Variants in ADCY5 observed in about 807,000 individuals in gnomAD.
The protein encoded by ADCY5 is adenylate cyclase type 5.
ADCY5 carries 30 observed loss-of-function variants against 119.7 expected under a neutral mutation model. That is an observed-to-expected ratio of 0.25 (90% CI 0.19 to 0.34). ADCY5 has a LOEUF of 0.34. Among genes scored for constraint, ADCY5 ranks in the 10% least tolerant of loss-of-function variants. The probability of loss-of-function intolerance (pLI) is 1.00; values close to 1 mark genes in which losing one functional copy is unlikely to be tolerated. For synonymous variants in ADCY5, 753 were observed against 762.2 expected (o/e 0.99, Z 0.20); for missense variants, 1,324 against 1,775.2 (o/e 0.75, Z 4.57).
At chr3:123,373,264 C>T (rs535113386) in intron 1 of ADCY5, among the ~76,000 whole-genome samples, 8 of 152,376 alleles carry the variant, frequency 5.3e-5, no homozygotes, top group East Asian at 3.9e-4. Flanking sequence ...ACAGACTGAT[C>T]TGACTTCAGC....
chr3:123,436,406 T>A (rs1422995060), intron 1 of ADCY5, among the ~76,000 whole-genome samples: 1 of 151,926 alleles, frequency 6.6e-6, no homozygotes, highest in Non-Finnish European at 1.5e-5. Context: ...ATTTGTCTTT[T>A]AAAAAAACTG....
intron 1 of ADCY5, among the ~76,000 whole-genome samples, chr3:123,380,816 T>G (rs1944006459): frequency 6.6e-6 from 1 of 152,178 alleles, no homozygotes; most frequent in Admixed American, 6.5e-5. Context: ...GAGAAAGGGA[T>G]GGACACAGAT....
intron 1 of ADCY5, among the ~76,000 whole-genome samples, chr3:123,403,191 G>A (rs908474498): frequency 6.6e-6 from 1 of 151,994 alleles, no homozygotes; most frequent in African/African-American, 2.4e-5. Context: ...ACCAGCCTGG[G>A]CAATATGGGG....
intron 1 of ADCY5, among the ~76,000 whole-genome samples, chr3:123,396,525 GAGAAAGAAA>G (rs1237414481): frequency 4.4e-5 from 5 of 113,878 alleles, no homozygotes; most frequent in Non-Finnish European, 6.8e-5. Flanking sequence ...GAAAGAGAGA[GAGAAAGAAA>G]AGAAAGAAAG....
chr3:123,320,798 G>C (rs1410556283), intron 8 of ADCY5, 27 bp from the exon 9 acceptor site: 5 of 1,550,468 alleles, frequency 3.2e-6, no homozygotes, highest in Non-Finnish European at 4.4e-6. Context: ...GAAAGAGAAA[G>C]AGAAGAGAAT....
intron 1 of ADCY5, among the ~76,000 whole-genome samples, chr3:123,390,920 T>C (rs913766926): frequency 4.6e-5 from 7 of 152,218 alleles, no homozygotes; most frequent in Non-Finnish European, 1.0e-4. Context: ...GGATGTGAGA[T>C]GGACATTTCA....
At chr3:123,284,797 G>A in intron 20 of ADCY5, 61 bp from the exon 21 acceptor site, 1 of 1,606,522 alleles carries the variant, frequency 6.2e-7, no homozygotes, top group South Asian at 1.1e-5. Context: ...GAACTGCTGT[G>A]GGGTAGAGCC....
At chr3:123,368,620 C>T (rs1943533975) in intron 1 of ADCY5, among the ~76,000 whole-genome samples, 1 of 152,010 alleles carries the variant, frequency 6.6e-6, no homozygotes. Flanking sequence ...GACATGATGG[C>T]ACATGCCTGT....
chr3:123,447,729 C>T lies in ADCY5; in HGVS notation c.817G>A (p.Val273Met), dbSNP rs765074284. ...ATCACGCCGACGGCGGCCGCCAGCACGGCCAGGTAGGGCAGCTGGAGCGGG... is the reference window on the plus strand; with the variant it reads ...ATCACGCCGACGGCGGCCGCCAGCATGGCCAGGTAGGGCAGCTGGAGCGGG... ...RPPLQLPYLAVLAAAVGVILI... is the reference protein window; with the variant it reads ...RPPLQLPYLAMLAAAVGVILI... The change falls in exon 1 of 21, where the codon GTG becomes ATG. Residue 273 changes from valine (V) to methionine (M), a missense_variant. Val to Met is a conservative substitution (Grantham distance 21). This residue lies in a region of ADCY5 where 585 missense variants were observed against 569.9 expected (regional missense o/e 1.03). Coordinates refer to ENST00000462833, the MANE Select transcript of ADCY5 (RefSeq NM_183357.3). The T allele has an allele frequency of 8.7e-6, 14 of 1,600,106 alleles. No homozygotes were observed. Among genetic ancestry groups the T allele is most frequent in the African/African-American group, 2.7e-5 (2 of 74,572 alleles).
At chr3:123,288,885 A>T (rs1189847616) in intron 19 of ADCY5, among the ~76,000 whole-genome samples, 2 of 152,218 alleles carry the variant, frequency 1.3e-5, no homozygotes, top group African/African-American at 4.8e-5. Flanking sequence ...GAGCCATCCA[A>T]CTAAGGCAAG....
Position 123,284,462 on chromosome 3 carries a change from A to G in ADCY5, c.*146T>C. On this transcript the variant is annotated 3_prime_UTR_variant, in exon 21 of 21. Transcript: ENST00000462833. ...GAGGCCGCTGCCCACCAGCAAAGGC[A>G]GAAGCTGCTCTGGAGTCCAAGTGGA... 1.5e-6 allele frequency: 2 copies of G among 1,318,538 alleles called. No homozygotes were observed. Among genetic ancestry groups the G allele is most frequent in the South Asian group, 1.4e-5 (1 of 69,586 alleles). The allele number at this position is 1,318,538 out of a possible 1,614,324, so 81.7% of individuals were successfully genotyped here.
chr3:123,342,455 G>A (rs764065935), intron 3 of ADCY5, among the ~76,000 whole-genome samples: 55 of 152,116 alleles, frequency 3.6e-4, no homozygotes, highest in Non-Finnish European at 6.0e-4. Flanking sequence ...TGTGGGGAGC[G>A]GGGCTGACTA....
At chr3:123,300,339 G>A (rs1295699071) in intron 14 of ADCY5, 44 bp from the exon 15 acceptor site, 8 of 1,594,638 alleles carry the variant, frequency 5.0e-6, no homozygotes, top group African/African-American at 1.3e-5. Context: ...GGCCCTGCCC[G>A]ACCCCGGGCC....
chr3:123,297,488 G>T (rs908843554), intron 15 of ADCY5, 106 bp from the exon 16 acceptor site: 9 of 1,247,038 alleles, frequency 7.2e-6, no homozygotes, highest in Non-Finnish European at 1.1e-5. Context: ...CACCACTGCT[G>T]CTCCTTGGCT....
intron 1 of ADCY5, among the ~76,000 whole-genome samples, chr3:123,366,935 A>T (rs1943462930): frequency 6.6e-6 from 1 of 152,196 alleles, no homozygotes; most frequent in Non-Finnish European, 1.5e-5. Flanking sequence ...TCAAGCAGGG[A>T]CAATTTGCAT....
chr3:123,300,354 C>A (rs1559787104), intron 14 of ADCY5, 59 bp from the exon 15 acceptor site: 1 of 1,554,580 alleles, frequency 6.4e-7, no homozygotes, highest in Non-Finnish European at 8.8e-7. Context: ...CGGGCCCTGG[C>A]CCCATGCATC....
In ADCY5 at chr3:123,441,191, C is replaced by A. The variant is rs552685568; in HGVS notation, c.1134+6221G>T. On this transcript the variant is annotated intron_variant, in intron 1 of 20. Transcript: ENST00000462833. ...ACCTGGGGAGATTTGAAAACCAGCTCCAAGTTGTTTTAAATAGAGATCCAT... is the reference window on the plus strand; with the variant it reads ...ACCTGGGGAGATTTGAAAACCAGCTACAAGTTGTTTTAAATAGAGATCCAT... 3.3e-5 allele frequency among the ~76,000 whole-genome samples: 5 copies of A among 152,302 alleles called. No individual in the cohort carries two copies. The South Asian group carries it at 1.0e-3, about 32-fold the overall frequency.
In ADCY5 at chr3:123,312,908, T is replaced by TG. The variant is rs199900221; in HGVS notation, c.2442+1326dup. Among the ~76,000 whole-genome samples, 1,385 of 143,990 alleles carry TG rather than the reference T, an allele frequency of 9.6e-3. 16 individuals carry two copies. Among genetic ancestry groups the TG allele is most frequent in the African/African-American group, 0.036 (1,221 of 34,304 alleles). The allele number at this position is 143,990 out of a possible 152,430, so 94.5% of individuals were successfully genotyped here. A position where few individuals can be genotyped will look rare whatever the true frequency, so the allele number is the denominator to read the frequency against. On this transcript the variant is annotated intron_variant, in intron 12 of 20. Transcript: ENST00000462833. ...ACTGTCCACTCTGGATAAAGCAGGC[T>TG]GGGGGGGGCCTTGACAACAGAAAGA...
At chr3:123,384,892 G>C (rs533694574) in intron 1 of ADCY5, among the ~76,000 whole-genome samples, 1 of 152,300 alleles carries the variant, frequency 6.6e-6, no homozygotes, top group Non-Finnish European at 1.5e-5. Context: ...CAACAGGACT[G>C]TCAGAGGGTG....
Sources: allele counts gnomAD v4.1 joint callset (sites outside exome capture counted in the v4.1 genomes callset), GRCh38; gene constraint gnomAD v4.1.1; regional missense constraint gnomAD v4.1.1; transcripts MANE v1.5; gene names NCBI Gene and HGNC (gene_info 2026-07-23, HGNC 2026-07-21).